Variants in DNMT3A observed in about 807,000 individuals in gnomAD.
DNMT3A encodes the protein DNA (cytosine-5)-methyltransferase 3A.
A neutral mutation model predicts 117.6 loss-of-function variants in DNMT3A; 267 were observed. That is an observed-to-expected ratio of 2.27 (90% confidence interval 2.05 to 2.51). The LOEUF is 2.51. Among genes scored for constraint, DNMT3A ranks in the 30% most tolerant of loss-of-function variants. DNMT3A has a pLI of 0.00. For missense variants in DNMT3A, 1,029 were observed against 1,260.2 expected, an observed-to-expected ratio of 0.82 and a Z score of 2.78; for synonymous variants, 432 against 474.8, an observed-to-expected ratio of 0.91 and a Z score of 1.17.
At chr2:25,243,036 G>A (rs879870632) in intron 16 of DNMT3A, among the ~76,000 whole-genome samples, 7 of 152,196 alleles carry the variant, frequency 4.6e-5, no homozygotes, top group Non-Finnish European at 8.8e-5. Context: ...GCCGGGTCTG[G>A]TGGCTCATGC....
chr2:25,284,240 C>A (rs1386386781), intron 3 of DNMT3A, among the ~76,000 whole-genome samples: 2 of 152,226 alleles, frequency 1.3e-5, no homozygotes, highest in Non-Finnish European at 2.9e-5. Context: ...CTGCTCTCAG[C>A]ATCTCAGTTT....
In DNMT3A at chr2:25,294,207, G is replaced by A. The variant is rs536827552; in HGVS notation, c.177+5932C>T. Among the ~76,000 whole-genome samples, 4 of 152,186 alleles carry A rather than the reference G, an allele frequency of 2.6e-5. No individual in the cohort carries two copies. Among genetic ancestry groups the A allele is most frequent in the Admixed American group, 1.3e-4 (2 of 15,296 alleles). On this transcript the variant is annotated intron_variant, in intron 3 of 22. Coordinates refer to ENST00000321117, the MANE Select transcript of DNMT3A (RefSeq NM_022552.5). The surrounding 1 kb of genome is among the most constrained non-coding windows in gnomAD (Gnocchi z 4.7). ...CTCCTCCATCTTCCCTGGCTTCCCC[G>A]GCATCCTTAGGAGTCCCACTGCACT...
chr2:25,319,218 G>A (rs2034500874), intron 1 of DNMT3A, among the ~76,000 whole-genome samples: 1 of 151,814 alleles, frequency 6.6e-6, no homozygotes, highest in African/African-American at 2.4e-5. Context: ...GTTTCACCAT[G>A]TTAGCCAGGA....
In DNMT3A at chr2:25,236,725, G is replaced by A. The variant is rs75818911; in HGVS notation, c.2478+211C>T. On this transcript the variant is annotated intron_variant, in intron 21 of 22. Transcript: ENST00000321117. This position sits in a 1 kb window ranked among gnomAD's most constrained non-coding sequence, Gnocchi z 4.5. ...CTCCTCAGTGTCTACCGGGGGTGATGGGCGACACTCACCAGGGAGGAAGGG... is the reference window on the plus strand; with the variant it reads ...CTCCTCAGTGTCTACCGGGGGTGATAGGCGACACTCACCAGGGAGGAAGGG... 4.6e-3 allele frequency among the ~76,000 whole-genome samples: 705 copies of A among 152,336 alleles called. 6 individuals are homozygous for A. The highest frequency in any genetic ancestry group is 0.016 in the African/African-American group (677 of 41,582).
intron 4 of DNMT3A, among the ~76,000 whole-genome samples, chr2:25,278,042 C>CACACACACAG (rs150400657): frequency 1.2e-4 from 18 of 146,394 alleles, no homozygotes; most frequent in South Asian, 8.7e-4. Context: ...CACACACAGA[C>CACACACACAG]ACACACGCTT....
In DNMT3A at chr2:25,252,155, C is replaced by T; in HGVS notation, c.640-3903G>A. On this transcript the variant is annotated intron_variant, in intron 6 of 22. Transcript: ENST00000321117. The surrounding 1 kb of genome is among the most constrained non-coding windows in gnomAD (Gnocchi z 5.5). ...TCCTCCCACCGGCCCTGCCGCCTCC[C>T]CGCCCCCGGTCTCCCCGGGGCTCCG... 1 of 1,552,892 alleles carries T rather than the reference C, an allele frequency of 6.4e-7. No individual in the cohort carries two copies. Among genetic ancestry groups the T allele is most frequent in the East Asian group, 2.5e-5 (1 of 40,492 alleles).
chr2:25,232,025 T>G lies in DNMT3A; in HGVS notation c.*2254A>C, dbSNP rs1035352260. The G allele has an allele frequency of 7.9e-5, 12 of 152,216 alleles. No homozygotes were observed. Among genetic ancestry groups the G allele is most frequent in the African/African-American group, 2.9e-4 (12 of 41,418 alleles). 9.4% of individuals were successfully genotyped at this position (152,216 alleles called of 1,614,324 possible). Reference sequence around the variant, plus strand: ...GTGTATGCGTGTGAGATTGACTGATTGGTGTGGGGTTTAGGTCTGCAGTGG... The same window carrying G: ...GTGTATGCGTGTGAGATTGACTGATGGGTGTGGGGTTTAGGTCTGCAGTGG... On this transcript the variant is annotated 3_prime_UTR_variant, in exon 23 of 23. Transcript: ENST00000321117. This position sits in a 1 kb window ranked among gnomAD's most constrained non-coding sequence, Gnocchi z 4.1.
At chr2:25,279,916 C>G (rs2031761012) in intron 4 of DNMT3A, among the ~76,000 whole-genome samples, 1 of 152,120 alleles carries the variant, frequency 6.6e-6, no homozygotes, top group Admixed American at 6.5e-5. Context: ...GTCTCGAACT[C>G]CTGACCTCAA....
At chr2:25,323,440 G>A (rs960108025) in intron 1 of DNMT3A, among the ~76,000 whole-genome samples, 1 of 152,172 alleles carries the variant, frequency 6.6e-6, no homozygotes, top group Admixed American at 6.5e-5. Context: ...CCCCTCCAGG[G>A]CTCCCTGGGA....
At chr2:25,316,508 T>C (rs1255287646) in intron 1 of DNMT3A, among the ~76,000 whole-genome samples, 2 of 152,126 alleles carry the variant, frequency 1.3e-5, no homozygotes, top group African/African-American at 4.8e-5. Flanking sequence ...CCTAAAATCC[T>C]CCAGTATGTG....
chr2:25,284,454 A>C (rs1374794429), intron 3 of DNMT3A, among the ~76,000 whole-genome samples: 1 of 151,930 alleles, frequency 6.6e-6, no homozygotes, highest in African/African-American at 2.4e-5. Context: ...CAGGAGTTTG[A>C]GACCAGCCTG....
Position 25,282,162 on chromosome 2 carries a change from T to G in DNMT3A, c.448+279A>C, listed in dbSNP as rs1302932007. The G allele has an allele frequency of 3.3e-6, 4 of 1,212,718 alleles. No individual in the cohort carries two copies. In the African/African-American group the frequency reaches 4.8e-5, roughly 14 times the overall value. The allele number at this position is 1,212,718 out of a possible 1,614,324, so 75.1% of individuals were successfully genotyped here. On this transcript the variant is annotated intron_variant, in intron 4 of 22. Transcript: ENST00000321117. This position sits in a 1 kb window ranked among gnomAD's most constrained non-coding sequence, Gnocchi z 5.2. ...GCTGTTGCCAGATCTAGCTTTTTTT[T>G]TTTTCATGAGAAGCCAAAACTCCAG...
intron 6 of DNMT3A, among the ~76,000 whole-genome samples, chr2:25,270,042 G>A (rs1486309070): frequency 6.6e-6 from 1 of 152,168 alleles, no homozygotes; most frequent in Non-Finnish European, 1.5e-5. Flanking sequence ...AAGGGCTGGT[G>A]CAGCCTGGGG....
chr2:25,244,235 T>C lies in DNMT3A; in HGVS notation c.1771A>G (p.Thr591Ala), dbSNP rs779611021. 1.9e-6 allele frequency: 3 copies of C among 1,613,972 alleles called. No individual in the cohort carries two copies. Among genetic ancestry groups the C allele is most frequent in the Non-Finnish European group, 2.5e-6 (3 of 1,180,010 alleles). The change falls in exon 15 of 23, where the codon ACC becomes GCC. Residue 591 changes from threonine to alanine, a missense_variant. Coordinates refer to ENST00000321117, the MANE Select transcript of DNMT3A (RefSeq NM_022552.5). Reference protein sequence around the residue: ...WNCYMCGHKGTYGLLRRREDW... With the variant: ...WNCYMCGHKGAYGLLRRREDW... Reference sequence around the variant, plus strand: ...TCTCGCCGCCGCAGCAGCCCGTAGGTACCCTTGTGCCCGCACATGTAGCAG... The same window carrying C: ...TCTCGCCGCCGCAGCAGCCCGTAGGCACCCTTGTGCCCGCACATGTAGCAG...
intron 19 of DNMT3A, 40 bp from the exon 20 acceptor site, chr2:25,239,255 AGCATGAAACAGCGCCG>A (rs754227840): frequency 3.2e-6 from 5 of 1,574,444 alleles, no homozygotes; most frequent in Non-Finnish European, 4.4e-6. Context: ...GCCAAGGAGG[AGCATGAAACAGCGCCG>A]GCATGCTGCT....
At chr2:25,285,161 G>A (rs894863258) in intron 3 of DNMT3A, among the ~76,000 whole-genome samples, 2 of 152,170 alleles carry the variant, frequency 1.3e-5, no homozygotes, top group African/African-American at 4.8e-5. Flanking sequence ...CAGAGATACT[G>A]CCAAATTCCC....
chr2:25,330,912 G>T (rs1271690575), intron 1 of DNMT3A, among the ~76,000 whole-genome samples: 1 of 152,208 alleles, frequency 6.6e-6, no homozygotes, highest in Non-Finnish European at 1.5e-5. Context: ...GAACAAGAGA[G>T]TCAATAGAAC....
At chr2:25,275,635 C>CAGG in intron 4 of DNMT3A, 92 bp from the exon 5 acceptor site, 1 of 1,404,894 alleles carries the variant, frequency 7.1e-7, no homozygotes, top group Non-Finnish European at 9.6e-7. Context: ...GGGGTCCCTG[C>CAGG]CACAGGGGAT....
At chr2:25,321,081 G>A (rs112465822) in intron 1 of DNMT3A, among the ~76,000 whole-genome samples, 8 of 151,878 alleles carry the variant, frequency 5.3e-5, no homozygotes, top group Admixed American at 2.6e-4. Context: ...TGCGGTGAGC[G>A]GAGATGGCAC....
Sources: allele counts gnomAD v4.1 joint callset (sites outside exome capture counted in the v4.1 genomes callset), GRCh38; gene constraint gnomAD v4.1.1; non-coding constraint Gnocchi (gnomAD v3.1); transcripts MANE v1.5; gene names NCBI Gene and HGNC (gene_info 2026-07-23, HGNC 2026-07-21).